The following NDC80 variants were observed in gnomAD, a reference collection of about 807,000 sequenced individuals.
The protein encoded by NDC80 is NDC80 kinetochore complex component, also known as kinetochore protein NDC80 homolog.
A neutral mutation model predicts 89.3 loss-of-function variants in NDC80; 69 were observed. The observed-to-expected ratio is 0.77, with a 90% CI of 0.64 to 0.94. NDC80 has a LOEUF of 0.94. NDC80 is among the 40% of genes least tolerant of loss of function. The pLI is 0.00. For synonymous variants in NDC80, 243 were observed against 255.6 expected, an observed-to-expected ratio of 0.95 and a Z score of 0.47; for missense variants, 593 against 739.6, an observed-to-expected ratio of 0.80 and a Z score of 2.30.
At chr18:2,578,262 AAT>A in intron 5 of NDC80, 121 bp downstream of exon 5, 1 of 916,040 alleles carries the variant, frequency 1.1e-6, no homozygotes, top group Non-Finnish European at 1.6e-6. Flanking sequence ...CACTGTGGGC[AAT>A]ATATGTAGGA....
chr18:2,594,701 C>G (rs1377722254), intron 10 of NDC80: 2 of 152,584 alleles, frequency 1.3e-5, no homozygotes, highest in African/African-American at 4.8e-5. Flanking sequence ...GATTAACTTT[C>G]TGAAATAGAC....
At position 2,578,962 on chromosome 18, in the gene NDC80, C is replaced by T. The variant is rs779755074; in HGVS notation, c.512C>T (p.Thr171Ile). ...PFALSKSSMY[T>I]VGAPHTWPHI... ...GCACTATCCAAAAGCTCCATGTACA[C>T]AGTGGGGGCTCCTCATACATGGCCT... The change falls in exon 6 of 17, where the codon ACA (threonine) becomes ATA (isoleucine). Residue 171 changes from threonine (T) to isoleucine (I), a missense_variant. By Grantham distance (89) the Thr-to-Ile change is moderately conservative (BLOSUM62 -1). Coordinates refer to ENST00000261597, the MANE Select transcript of NDC80 (RefSeq NM_006101.3). 1 of 1,568,232 alleles carries T rather than the reference C, an allele frequency of 6.4e-7. No individual in the cohort carries two copies. The highest frequency in any genetic ancestry group is 8.6e-7 in the Non-Finnish European group (1 of 1,157,886).
chr18:2,603,890 T>A (rs2072697141), intron 13 of NDC80, among the ~76,000 whole-genome samples: 1 of 152,196 alleles, frequency 6.6e-6, no homozygotes, highest in Non-Finnish European at 1.5e-5. Context: ...ATGATTTCTG[T>A]GACATGTAAA....
At chr18:2,574,821 T>C (rs1277334977) in intron 2 of NDC80, among the ~76,000 whole-genome samples, 168 bp from the exon 3 acceptor site, 1 of 152,230 alleles carries the variant, frequency 6.6e-6, no homozygotes, top group African/African-American at 2.4e-5. Context: ...GTACCATGTT[T>C]AGCCCATCCT....
At chr18:2,614,796 G>A (rs191147523) in intron 16 of NDC80, among the ~76,000 whole-genome samples, 1 of 152,228 alleles carries the variant, frequency 6.6e-6, no homozygotes, top group African/African-American at 2.4e-5. Flanking sequence ...ATCACAGAAG[G>A]TGAGCTTATT....
intron 1 of NDC80, among the ~76,000 whole-genome samples, chr18:2,572,420 T>A (rs533885818): frequency 6.6e-6 from 1 of 152,306 alleles, no homozygotes; most frequent in Non-Finnish European, 1.5e-5. Context: ...CCGGATGATT[T>A]ATCCTTGTTG....
At chr18:2,580,730 G>GTTTTTTTT (rs1567997102) in intron 6 of NDC80, among the ~76,000 whole-genome samples, 1 of 48,116 alleles carries the variant, frequency 2.1e-5, no homozygotes, top group Non-Finnish European at 5.1e-5. Flanking sequence ...CTCACCATCA[G>GTTTTTTTT]ATTTTTTTTT....
At chr18:2,577,639 A>G (rs2143632036) in intron 3 of NDC80, 107 bp from the exon 4 acceptor site, 2 of 1,190,126 alleles carry the variant, frequency 1.7e-6, no homozygotes, top group African/African-American at 1.5e-5. Context: ...AGTTATAAGA[A>G]CGTAATGTTT....
At chr18:2,611,319 G>A (rs1028322719) in intron 16 of NDC80, among the ~76,000 whole-genome samples, 1 of 152,154 alleles carries the variant, frequency 6.6e-6, no homozygotes, top group Non-Finnish European at 1.5e-5. Flanking sequence ...AAAGTGCTGG[G>A]ATTACAGGCG....
intron 5 of NDC80, 88 bp downstream of exon 5, chr18:2,578,229 G>T: frequency 3.1e-6 from 4 of 1,301,520 alleles, no homozygotes; most frequent in Non-Finnish European, 3.2e-6. Context: ...TTGAGTTACA[G>T]AAATAATATG....
intron 6 of NDC80, among the ~76,000 whole-genome samples, chr18:2,580,765 C>T (rs1248962016): frequency 6.3e-5 from 2 of 31,820 alleles, no homozygotes; most frequent in Admixed American, 7.7e-4. Flanking sequence ...TTTTTTGAGA[C>T]GAGTCTCACT....
In NDC80 at chr18:2,578,924, T is replaced by G. The variant is rs2072562126; in HGVS notation, c.477-3T>G. 6.8e-7 allele frequency: 1 copy of G among 1,463,750 alleles called. No homozygotes were observed. The highest frequency in any genetic ancestry group is 9.1e-7 in the Non-Finnish European group (1 of 1,096,270). 90.7% of individuals were successfully genotyped at this position (1,463,750 alleles called of 1,614,324 possible). The stretch of plus-strand genomic sequence containing the variant: ...TAGCTTATGTTTTTCTGATTTCTCA[T>G]AGGTATCCTTTTGCACTATCCAAAA... On this transcript the variant is annotated splice_polypyrimidine_tract_variant and splice_region_variant and intron_variant, in intron 5 of 16. Coordinates refer to ENST00000261597, the MANE Select transcript of NDC80 (RefSeq NM_006101.3).
At chr18:2,574,658 A>G (rs2072536657) in intron 2 of NDC80, among the ~76,000 whole-genome samples, 2 of 152,014 alleles carry the variant, frequency 1.3e-5, no homozygotes, top group East Asian at 1.9e-4. Context: ...TGGAAATGCA[A>G]ATTTAGGGTA....
chr18:2,594,038 G>T (rs2072641272), intron 10 of NDC80, among the ~76,000 whole-genome samples: 1 of 152,120 alleles, frequency 6.6e-6, no homozygotes, highest in East Asian at 1.9e-4. Flanking sequence ...GAGTAGCTGG[G>T]ATTACAGGCA....
intron 11 of NDC80, among the ~76,000 whole-genome samples, chr18:2,597,773 G>C (rs1322414581): frequency 6.6e-6 from 1 of 152,068 alleles, no homozygotes; most frequent in East Asian, 1.9e-4. Context: ...ATTCAAAGAA[G>C]TAGGTAGATT....
chr18:2,593,924 C>CCAAGACAGA, intron 10 of NDC80: 2 of 212,368 alleles, frequency 9.4e-6, no homozygotes, highest in Non-Finnish European at 9.3e-6. Context: ...TTTTATTTTC[C>CCAAGACAGA]GGGAGTCTCA....
chr18:2,593,981 C>T (rs1470691206), intron 10 of NDC80: 4 of 170,542 alleles, frequency 2.3e-5, no homozygotes, highest in South Asian at 1.3e-4. Context: ...CGGCTCACAG[C>T]AGCCTCCGCC....
chr18:2,611,741 A>G (rs1269250433), intron 16 of NDC80, among the ~76,000 whole-genome samples: 1 of 152,096 alleles, frequency 6.6e-6, no homozygotes, highest in African/African-American at 2.4e-5. Context: ...AGGTGATAAT[A>G]TATTTCCAGT....
At chr18:2,587,978 G>C in intron 8 of NDC80, 55 bp downstream of exon 8, 1 of 1,390,296 alleles carries the variant, frequency 7.2e-7, no homozygotes. Context: ...TCTGCTCATG[G>C]AGTGGTAATT....
Sources: allele counts gnomAD v4.1 joint callset (sites outside exome capture counted in the v4.1 genomes callset), GRCh38; gene constraint gnomAD v4.1.1; transcripts MANE v1.5; gene names NCBI Gene and HGNC (gene_info 2026-07-23, HGNC 2026-07-21).